The following KCMF1 variants were observed in gnomAD, a reference collection of about 807,000 sequenced individuals.
The protein encoded by KCMF1 is E3 ubiquitin-protein ligase KCMF1.
Under a neutral mutation model 41.1 loss-of-function variants are expected in KCMF1, and 3 were observed. That is an observed-to-expected ratio of 0.07 (90% confidence interval 0.03 to 0.19). The LOEUF is 0.19. Ranked by LOEUF, KCMF1 falls within the 10% of genes least tolerant of loss-of-function variation. The probability of loss-of-function intolerance (pLI) is 1.00; values close to 1 mark genes in which losing one functional copy is unlikely to be tolerated. For synonymous variants in KCMF1, 142 were observed against 164.5 expected, an observed-to-expected ratio of 0.86 and a Z score of 1.04; for missense variants, 286 against 488.9, an observed-to-expected ratio of 0.58 and a Z score of 3.91.
intron 1 of KCMF1, among the ~76,000 whole-genome samples, chr2:84,997,155 C>A (rs894950801): frequency 2.0e-5 from 3 of 152,192 alleles, no homozygotes; most frequent in Non-Finnish European, 4.4e-5. Flanking sequence ...ACTACTCAGT[C>A]ATAGAACAGG....
At chr2:85,008,362 T>A (rs1041621377) in intron 1 of KCMF1, among the ~76,000 whole-genome samples, 111 of 8,328 alleles carry the variant, frequency 0.013, 4 homozygotes, top group Admixed American at 0.026. Context: ...ATAATATATA[T>A]TATATATCAT....
At chr2:84,994,201 G>A (rs1255949675) in intron 1 of KCMF1, among the ~76,000 whole-genome samples, 1 of 152,104 alleles carries the variant, frequency 6.6e-6, no homozygotes, top group Non-Finnish European at 1.5e-5. Flanking sequence ...GCCCATCTCG[G>A]CCTCCCAAAG....
intron 3 of KCMF1, 101 bp downstream of exon 3, chr2:85,035,256 T>A: frequency 1.0e-6 from 1 of 963,812 alleles, no homozygotes; most frequent in Non-Finnish European, 1.5e-6. Context: ...CTGCTCAGTG[T>A]AATGATACCG....
chr2:85,057,742 C>G lies in KCMF1; in HGVS notation c.*4333C>G, dbSNP rs866977960. 86 of 152,306 alleles carry G rather than the reference C, an allele frequency of 5.6e-4. No individual in the cohort carries two copies. The highest frequency in any genetic ancestry group is 2.0e-3 in the African/African-American group (82 of 41,544). The allele number at this position is 152,306 out of a possible 1,614,324, so 9.4% of individuals were successfully genotyped here. A position where few individuals can be genotyped will look rare whatever the true frequency, so the allele number is the denominator to read the frequency against. On this transcript the variant is annotated 3_prime_UTR_variant, in exon 7 of 7. Coordinates refer to ENST00000409785, the MANE Select transcript of KCMF1 (RefSeq NM_020122.5). Reference sequence around the variant, plus strand: ...ATGCATACATTCGTTATTTAAGGAACCCTGCAGCAGACCTCGAATAAAATG... The same window carrying G: ...ATGCATACATTCGTTATTTAAGGAAGCCTGCAGCAGACCTCGAATAAAATG...
At position 84,993,548 on chromosome 2, in the gene KCMF1, ATTATTTAT is replaced by A. The variant is rs148006042; in HGVS notation, c.16+22116_16+22123del. ...ATTTTTTGGTCAATTCTCTACCCCC[ATTATTTAT>A]TTATTTATTTATTTATTTATTTATT... On this transcript the variant is annotated intron_variant, in intron 1 of 6. Transcript: ENST00000409785. Among the ~76,000 whole-genome samples the A allele has an allele frequency of 1.1e-3, 160 of 146,020 alleles. 1 individual carries two copies. Among genetic ancestry groups the A allele is most frequent in the Middle Eastern group, 3.4e-3 (1 of 290 alleles).
At chr2:85,000,391 G>C (rs941887690) in intron 1 of KCMF1, among the ~76,000 whole-genome samples, 4 of 152,164 alleles carry the variant, frequency 2.6e-5, no homozygotes, top group Non-Finnish European at 4.4e-5. Context: ...CCAAAGTGCT[G>C]GGATTACAGC....
intron 1 of KCMF1, among the ~76,000 whole-genome samples, chr2:84,979,351 C>T (rs1247969757): frequency 2.5e-4 from 38 of 151,886 alleles, no homozygotes; most frequent in Admixed American, 2.4e-3. Flanking sequence ...AGTGAAACCC[C>T]ATCTGTACTA....
chr2:84,986,258 A>G (rs1420455962), intron 1 of KCMF1, among the ~76,000 whole-genome samples: 1 of 152,216 alleles, frequency 6.6e-6, no homozygotes, highest in African/African-American at 2.4e-5. Context: ...TTAAAATAAA[A>G]TAACCCTTGT....
intron 1 of KCMF1, among the ~76,000 whole-genome samples, chr2:84,990,241 G>A (rs1674006083): frequency 6.6e-6 from 1 of 152,138 alleles, no homozygotes; most frequent in Non-Finnish European, 1.5e-5. Flanking sequence ...CTACCCAAAG[G>A]TTTGGCTGTG....
intron 1 of KCMF1, among the ~76,000 whole-genome samples, chr2:85,006,045 T>C (rs1674461592): frequency 6.6e-6 from 1 of 152,178 alleles, no homozygotes; most frequent in Non-Finnish European, 1.5e-5. Flanking sequence ...ACATATCAGT[T>C]CCTATTTTTC....
chr2:85,007,121 AAGAAAT>A (rs1674492760), intron 1 of KCMF1, among the ~76,000 whole-genome samples: 2 of 151,704 alleles, frequency 1.3e-5, no homozygotes, highest in Non-Finnish European at 2.9e-5. Flanking sequence ...AAAAAAAAAA[AAGAAAT>A]AGAACATCTC....
Position 85,058,103 on chromosome 2 carries a change from T to G in KCMF1, c.*4694T>G, listed in dbSNP as rs1037813609. 6.6e-6 allele frequency: 1 copy of G among 152,590 alleles called. No homozygotes were observed. The highest frequency in any genetic ancestry group is 2.4e-5 in the African/African-American group (1 of 41,460). 9.5% of individuals were successfully genotyped at this position (152,590 alleles called of 1,614,324 possible). On this transcript the variant is annotated 3_prime_UTR_variant, in exon 7 of 7. Transcript: ENST00000409785. Reference sequence around the variant, plus strand: ...CACATGGCTGATTTGAAAACCCATGTGGGGCCGGGTGTGGTGGCTCACGCC... The same window carrying G: ...CACATGGCTGATTTGAAAACCCATGGGGGGCCGGGTGTGGTGGCTCACGCC...
intron 1 of KCMF1, among the ~76,000 whole-genome samples, chr2:85,025,074 T>C (rs1574031509): frequency 6.6e-6 from 1 of 152,344 alleles, no homozygotes; most frequent in East Asian, 1.9e-4. Flanking sequence ...TGACTCTCCT[T>C]GGCCCTTTTT....
chr2:85,023,897 C>T (rs536022330), intron 1 of KCMF1, among the ~76,000 whole-genome samples: 4 of 152,260 alleles, frequency 2.6e-5, no homozygotes, highest in South Asian at 2.1e-4. Flanking sequence ...AGTTTCTTAC[C>T]GGTTTGGTAA....
intron 1 of KCMF1, among the ~76,000 whole-genome samples, chr2:84,983,044 T>C (rs1673805278): frequency 1.3e-5 from 2 of 152,204 alleles, no homozygotes; most frequent in Admixed American, 1.3e-4. Context: ...TATATTTTCA[T>C]GTTTCTTCGT....
intron 3 of KCMF1, among the ~76,000 whole-genome samples, chr2:85,037,260 A>G (rs1205330715): frequency 1.3e-5 from 2 of 152,172 alleles, no homozygotes; most frequent in Non-Finnish European, 2.9e-5. Flanking sequence ...CATGAGTACT[A>G]TATCTACATA....
At chr2:85,028,105 C>A (rs757859887) in intron 2 of KCMF1, 49 bp downstream of exon 2, 2 of 1,274,104 alleles carry the variant, frequency 1.6e-6, no homozygotes, top group Admixed American at 2.2e-5. Flanking sequence ...ATTTTATGTA[C>A]GTTGAAGAAG....
chr2:84,973,955 G>C (rs543482292), intron 1 of KCMF1, among the ~76,000 whole-genome samples: 1 of 150,542 alleles, frequency 6.6e-6, no homozygotes, highest in Non-Finnish European at 1.5e-5. Context: ...AGCCTCCCAA[G>C]TAGCTGGGAT....
Position 84,971,386 on chromosome 2 carries a change from G to C in KCMF1, c.-66G>C, listed in dbSNP as rs1673388267. ...TCGGCCGGCCGGCGCGGGCAGCGCC[G>C]GGACCCCGCGGGGGACACTGCAGCC... On this transcript the variant is annotated 5_prime_UTR_variant, in exon 1 of 7. Coordinates refer to ENST00000409785, the MANE Select transcript of KCMF1 (RefSeq NM_020122.5). 4.8e-6 allele frequency: 5 copies of C among 1,049,754 alleles called. No individual in the cohort carries two copies. In the South Asian group the frequency reaches 1.9e-4, roughly 40 times the overall value. The allele number at this position is 1,049,754 out of a possible 1,614,324, so 65.0% of individuals were successfully genotyped here. A position where few individuals can be genotyped will look rare whatever the true frequency, so the allele number is the denominator to read the frequency against.
Sources: gnomAD v4.1 joint callset for allele counts (sites outside exome capture counted in the v4.1 genomes callset) on GRCh38, gnomAD v4.1.1 for gene constraint, MANE v1.5 for transcripts, NCBI Gene and HGNC (gene_info 2026-07-23, HGNC 2026-07-21) for gene names.